MOGAT1: variants seen among roughly 807,000 people sequenced by gnomAD.
MOGAT1 encodes monoacylglycerol O-acyltransferase 1, also known as 2-acylglycerol O-acyltransferase 1.
In MOGAT1, 32 loss-of-function variants were observed where a neutral mutation model predicts 31.4. The ratio of observed to expected loss-of-function variants is 1.02; its 90% CI spans 0.77 to 1.37. The LOEUF is 1.37. Among genes scored for constraint, MOGAT1 ranks in the 40% most tolerant of loss-of-function variants. The pLI, the probability that MOGAT1 is intolerant of heterozygous loss-of-function variation, is 0.00. For missense variants in MOGAT1, 426 were observed against 402.0 expected (o/e 1.06, Z -0.51); for synonymous variants, 145 against 144.5 (o/e 1.00, Z -0.03).
chr2:222,677,700 C>A, intron 1 of MOGAT1: 1 of 421,522 alleles, frequency 2.4e-6, no homozygotes, highest in African/African-American at 2.1e-5. Context: ...AGCAGCCTTT[C>A]TTGTCTTTTT....
intron 3 of MOGAT1, 29 bp downstream of exon 3, chr2:222,689,498 A>G: frequency 6.2e-7 from 1 of 1,601,154 alleles, no homozygotes; most frequent in South Asian, 1.1e-5. Flanking sequence ...CTGTTTCCAC[A>G]GTGCTTTGGG....
chr2:222,701,398 A>G (rs374180813), intron 5 of MOGAT1, among the ~76,000 whole-genome samples: 132 of 145,182 alleles, frequency 9.1e-4, no homozygotes, highest in African/African-American at 3.1e-3. Context: ...GAAAGAAAGA[A>G]AGAGAGAGAG....
At chr2:222,683,884 A>G (rs1692623067) in intron 1 of MOGAT1, among the ~76,000 whole-genome samples, 1 of 152,182 alleles carries the variant, frequency 6.6e-6, no homozygotes, top group Admixed American at 6.5e-5. Context: ...CAGGCCTTCA[A>G]CTCAACTTGG....
chr2:222,687,298 T>G (rs1692689775), intron 1 of MOGAT1, among the ~76,000 whole-genome samples: 1 of 152,144 alleles, frequency 6.6e-6, no homozygotes, highest in Non-Finnish European at 1.5e-5. Context: ...CAAAGTTGAT[T>G]GGCAGTAGAT....
chr2:222,676,304 T>C (rs565908096), intron 1 of MOGAT1, among the ~76,000 whole-genome samples: 50 of 152,196 alleles, frequency 3.3e-4, no homozygotes, highest in Non-Finnish European at 7.1e-4. Flanking sequence ...TGATCTGATC[T>C]GTCACCACAG....
rs903590413 is a variant in MOGAT1, at chr2:222,694,952, C to A, written c.654-137C>A. On this transcript the variant is annotated intron_variant, in intron 4 of 5. Transcript: ENST00000446656. ...TCAAGTTTAAGACAGTTTCAATGAA[C>A]GTGAAGTTAGCAATATAGGAAGGCT... 16 of 559,200 alleles carry A rather than the reference C, an allele frequency of 2.9e-5. 1 individual carries two copies. In the South Asian group the frequency reaches 5.4e-4, roughly 19 times the overall value. 34.6% of individuals were successfully genotyped at this position (559,200 alleles called of 1,614,324 possible). A position where few individuals can be genotyped will look rare whatever the true frequency, so the allele number is the denominator to read the frequency against.
intron 3 of MOGAT1, among the ~76,000 whole-genome samples, chr2:222,691,018 T>C (rs1220216429): frequency 6.6e-6 from 1 of 152,152 alleles, no homozygotes; most frequent in Non-Finnish European, 1.5e-5. Flanking sequence ...AGAGCAGGTT[T>C]GGCAAATTCA....
intron 5 of MOGAT1, among the ~76,000 whole-genome samples, chr2:222,708,510 T>C (rs985393930): frequency 6.6e-6 from 1 of 152,242 alleles, no homozygotes; most frequent in Non-Finnish European, 1.5e-5. Flanking sequence ...TGAGATGTTA[T>C]ATAAACACCT....
At chr2:222,684,277 G>A (rs1253275504) in intron 1 of MOGAT1, among the ~76,000 whole-genome samples, 2 of 151,994 alleles carry the variant, frequency 1.3e-5, no homozygotes, top group Non-Finnish European at 2.9e-5. Flanking sequence ...GGTAGCACAT[G>A]CCTGTAATCC....
chr2:222,696,302 C>G (rs1692835768), intron 5 of MOGAT1, among the ~76,000 whole-genome samples: 1 of 152,196 alleles, frequency 6.6e-6, no homozygotes, highest in Non-Finnish European at 1.5e-5. Context: ...ATTGCTAGAT[C>G]AAATGGTAGT....
chr2:222,697,986 G>C (rs903560539), intron 5 of MOGAT1, among the ~76,000 whole-genome samples: 11 of 152,112 alleles, frequency 7.2e-5, no homozygotes, highest in African/African-American at 2.7e-4. Context: ...TCACGCTCAT[G>C]AACTACAGAA....
At chr2:222,706,467 T>C in intron 5 of MOGAT1, among the ~76,000 whole-genome samples, 1 of 116,554 alleles carries the variant, frequency 8.6e-6, no homozygotes, top group Admixed American at 9.0e-5. Flanking sequence ...AGAAAAACTC[T>C]GTATAAAAAA....
intron 3 of MOGAT1, among the ~76,000 whole-genome samples, chr2:222,691,177 T>C (rs1692755371): frequency 6.6e-6 from 1 of 151,704 alleles, no homozygotes; most frequent in Non-Finnish European, 1.5e-5. Flanking sequence ...ATCCCTGGTT[T>C]CTTTTTATTT....
chr2:222,672,241 A>G (rs532935602), intron 1 of MOGAT1, among the ~76,000 whole-genome samples: 1 of 152,230 alleles, frequency 6.6e-6, no homozygotes, highest in Non-Finnish European at 1.5e-5. Flanking sequence ...AAGTTGGCAA[A>G]CTCGTTTCTC....
chr2:222,697,980 G>A (rs998709975), intron 5 of MOGAT1, among the ~76,000 whole-genome samples: 2 of 151,926 alleles, frequency 1.3e-5, no homozygotes, highest in African/African-American at 4.8e-5. Context: ...CAATCTTCAC[G>A]CTCATGAACT....
chr2:222,709,142 G>A (rs532466197), intron 5 of MOGAT1, among the ~76,000 whole-genome samples: 30 of 152,056 alleles, frequency 2.0e-4, no homozygotes, highest in African/African-American at 7.2e-4. Context: ...GCAAAACCCC[G>A]TCTCTACTGA....
At chr2:222,693,937 G>A (rs1692802323) in intron 3 of MOGAT1, among the ~76,000 whole-genome samples, 3 of 152,200 alleles carry the variant, frequency 2.0e-5, no homozygotes, top group African/African-American at 7.2e-5. Context: ...GCCTCTTGGA[G>A]AATATACTTT....
chr2:222,681,096 C>T (rs1692573634), intron 1 of MOGAT1, among the ~76,000 whole-genome samples: 1 of 152,200 alleles, frequency 6.6e-6, no homozygotes, highest in African/African-American at 2.4e-5. Context: ...CGAAAGTCTT[C>T]AATTCATGGA....
At chr2:222,701,299 G>GAGAGAGA (rs71053101) in intron 5 of MOGAT1, among the ~76,000 whole-genome samples, 4,956 of 90,360 alleles carry the variant, frequency 0.055, 167 homozygotes, top group Middle Eastern at 0.1. Context: ...AGGAGGAGGA[G>GAGAGAGA]GAGAGAGAGA....
Sources: gnomAD v4.1 joint callset for allele counts (sites outside exome capture counted in the v4.1 genomes callset) on GRCh38, gnomAD v4.1.1 for gene constraint, MANE v1.5 for transcripts, NCBI Gene and HGNC (gene_info 2026-07-23, HGNC 2026-07-21) for gene names.